SVOP: variants seen among roughly 807,000 people sequenced by gnomAD.
SVOP encodes the protein SV2 related protein, also known as synaptic vesicle 2-related protein.
A neutral mutation model predicts 69.1 loss-of-function variants in SVOP; 17 were observed. The observed-to-expected ratio is 0.25, with a 90% CI of 0.17 to 0.37. The LOEUF is 0.37. SVOP is among the 10% of genes least tolerant of loss of function. SVOP has a pLI of 1.00. For synonymous variants in SVOP, 238 were observed against 238.6 expected (o/e 1.00, Z 0.02); for missense variants, 435 against 597.5 (o/e 0.73, Z 2.84).
chr12:108,926,784 T>C (rs2039783196), intron 11 of SVOP, among the ~76,000 whole-genome samples: 2 of 152,252 alleles, frequency 1.3e-5, no homozygotes, highest in Non-Finnish European at 2.9e-5. Context: ...TGTATATGTG[T>C]TTGCTTTGAC....
rs147617311 is a variant in SVOP at position 108,917,518 on chromosome 12, A to G, written c.1350+525T>C. On this transcript the variant is annotated intron_variant, in intron 14 of 15. Transcript: ENST00000610966. ...TCTTCCCAGATATGTTCAAAAATAT[A>G]CACATGGAAAATAGAAAGTAAAATA... Among the ~76,000 whole-genome samples the G allele has an allele frequency of 7.0e-3, 1,066 of 152,222 alleles. 6 individuals are homozygous for G. Among genetic ancestry groups the G allele is most frequent in the Non-Finnish European group, 0.01 (696 of 68,024 alleles).
intron 9 of SVOP, 95 bp downstream of exon 9, chr12:108,938,732 T>A: frequency 6.4e-7 from 1 of 1,572,898 alleles, no homozygotes; most frequent in East Asian, 2.3e-5. Context: ...CATACCCACA[T>A]GTGTCCTCGC....
At chr12:108,918,185 C>A (rs375022452) in intron 13 of SVOP, 61 bp from the exon 14 acceptor site, 14 of 1,392,042 alleles carry the variant, frequency 1.0e-5, no homozygotes, top group South Asian at 1.4e-5. Flanking sequence ...TCAGCATAGT[C>A]CTATCTTCCC....
intron 2 of SVOP, among the ~76,000 whole-genome samples, chr12:108,982,204 T>C (rs1273179054): frequency 6.7e-6 from 1 of 149,910 alleles, no homozygotes; most frequent in African/African-American, 2.5e-5. Context: ...ATCATCATGA[T>C]CTCCATCATC....
intron 1 of SVOP, among the ~76,000 whole-genome samples, chr12:108,988,660 T>A (rs1260890548): frequency 6.6e-6 from 1 of 152,176 alleles, no homozygotes; most frequent in Non-Finnish European, 1.5e-5. Flanking sequence ...ACCTTTAATT[T>A]TGTTCTTATT....
chr12:108,961,427 C>CTTTTTT (rs373090263), intron 5 of SVOP, among the ~76,000 whole-genome samples: 1 of 133,274 alleles, frequency 7.5e-6, no homozygotes, highest in African/African-American at 2.8e-5. Flanking sequence ...ACATTCAAGA[C>CTTTTTT]TTTTTTTTTT....
At chr12:109,008,322 T>C (rs1046452000) in intron 1 of SVOP, among the ~76,000 whole-genome samples, 2 of 152,202 alleles carry the variant, frequency 1.3e-5, no homozygotes, top group African/African-American at 4.8e-5. Flanking sequence ...AAGATGTTGA[T>C]GGCAGCCACA....
intron 1 of SVOP, among the ~76,000 whole-genome samples, chr12:108,992,406 T>A (rs2040207440): frequency 6.6e-6 from 1 of 151,988 alleles, no homozygotes; most frequent in Admixed American, 6.6e-5. Context: ...CCAGATGCAG[T>A]GGTGTGTGCC....
intron 1 of SVOP, among the ~76,000 whole-genome samples, chr12:109,005,500 G>A (rs2040301533): frequency 6.6e-6 from 1 of 152,126 alleles, no homozygotes; most frequent in Non-Finnish European, 1.5e-5. Context: ...AATTGACATG[G>A]TCCCTGACCT....
chr12:109,003,985 T>G (rs1288216020), intron 1 of SVOP, among the ~76,000 whole-genome samples: 1 of 152,184 alleles, frequency 6.6e-6, no homozygotes, highest in Non-Finnish European at 1.5e-5. Flanking sequence ...CTTTGTTTAT[T>G]AAAGTTTGTT....
At chr12:109,014,242 C>A (rs1343980185) in intron 1 of SVOP, among the ~76,000 whole-genome samples, 1 of 152,110 alleles carries the variant, frequency 6.6e-6, no homozygotes, top group African/African-American at 2.4e-5. Context: ...TCTTGAACTC[C>A]TGCCTTGGCC....
intron 1 of SVOP, among the ~76,000 whole-genome samples, chr12:109,003,067 G>A (rs1003323062): frequency 6.6e-6 from 1 of 151,778 alleles, no homozygotes; most frequent in African/African-American, 2.4e-5. Context: ...TACTGAATCA[G>A]CATCTGCATT....
chr12:108,954,668 G>A (rs544560476), intron 6 of SVOP, among the ~76,000 whole-genome samples: 4 of 152,168 alleles, frequency 2.6e-5, no homozygotes, highest in East Asian at 1.9e-4. Flanking sequence ...ATAGGCTTCC[G>A]GAGGCTTCTC....
chr12:108,965,342 ACT>A (rs2137425614), intron 5 of SVOP, among the ~76,000 whole-genome samples: 1 of 152,214 alleles, frequency 6.6e-6, no homozygotes, highest in South Asian at 2.1e-4. Flanking sequence ...TGAATGAGCC[ACT>A]CCCTTCCTCT....
intron 6 of SVOP, among the ~76,000 whole-genome samples, chr12:108,946,254 G>T (rs2039922164): frequency 6.7e-6 from 1 of 149,480 alleles, no homozygotes; most frequent in Non-Finnish European, 1.5e-5. Flanking sequence ...ACACCACCAC[G>T]CCTGGCCAAT....
intron 1 of SVOP, among the ~76,000 whole-genome samples, chr12:108,995,165 A>G (rs1324253279): frequency 6.6e-6 from 1 of 152,120 alleles, no homozygotes; most frequent in Non-Finnish European, 1.5e-5. Context: ...TTAAAAATAA[A>G]TAAATAAATA....
At chr12:108,923,486 G>T (rs902286084) in intron 11 of SVOP, among the ~76,000 whole-genome samples, 3 of 152,056 alleles carry the variant, frequency 2.0e-5, no homozygotes, top group African/African-American at 7.2e-5. Context: ...GGGGTGGTGG[G>T]TCCTTCCACA....
chr12:108,921,368 C>T (rs575904705), intron 12 of SVOP, among the ~76,000 whole-genome samples: 314 of 152,124 alleles, frequency 2.1e-3, no homozygotes, highest in Non-Finnish European at 3.2e-3. Context: ...TTGGGTTTTC[C>T]CAGAAGCAAA....
intron 11 of SVOP, among the ~76,000 whole-genome samples, chr12:108,933,820 A>G (rs1455978576): frequency 6.6e-6 from 1 of 152,214 alleles, no homozygotes; most frequent in Non-Finnish European, 1.5e-5. Flanking sequence ...TCCAATAAGG[A>G]AAGTCACTTT....
Sources: gnomAD v4.1 joint callset for allele counts (sites outside exome capture counted in the v4.1 genomes callset) on GRCh38, gnomAD v4.1.1 for gene constraint, MANE v1.5 for transcripts, NCBI Gene and HGNC (gene_info 2026-07-23, HGNC 2026-07-21) for gene names.